The following TRMT10B variants were observed in gnomAD, a reference collection of about 807,000 sequenced individuals.
The protein encoded by TRMT10B is tRNA methyltransferase 10B, also known as tRNA methyltransferase 10 homolog B.
A neutral mutation model predicts 43.8 loss-of-function variants in TRMT10B; 33 were observed. The ratio of observed to expected loss-of-function variants is 0.75; its 90% CI spans 0.57 to 1.01. The LOEUF (loss-of-function observed/expected upper bound fraction) is 1.01. Ranked by LOEUF, TRMT10B falls within the 50% of genes least tolerant of loss-of-function variation. The pLI is 0.00. For synonymous variants in TRMT10B, 137 were observed against 130.6 expected, an observed-to-expected ratio of 1.05 and a Z score of -0.34; for missense variants, 362 against 369.8, an observed-to-expected ratio of 0.98 and a Z score of 0.17.
At chr9:37,758,353 A>G (rs1033333590) in intron 1 of TRMT10B, among the ~76,000 whole-genome samples, 4 of 152,340 alleles carry the variant, frequency 2.6e-5, no homozygotes, top group East Asian at 1.9e-4. Flanking sequence ...TCAAGGCTGC[A>G]GTGAGCTGTG....
chr9:37,777,410 G>C (rs952521791), intron 8 of TRMT10B, among the ~76,000 whole-genome samples, 191 bp from the exon 9 acceptor site: 4 of 150,440 alleles, frequency 2.7e-5, no homozygotes, highest in Non-Finnish European at 4.4e-5. Context: ...TCATAGGCCT[G>C]TATCTTTCAG....
chr9:37,768,028 G>C (rs1827174496), intron 4 of TRMT10B, 48 bp from the exon 5 acceptor site: 1 of 1,604,136 alleles, frequency 6.2e-7, no homozygotes, highest in South Asian at 1.1e-5. Flanking sequence ...AGCTAATTTA[G>C]AGTGAGTTGG....
At chr9:37,760,658 C>CA (rs1360460268) in intron 1 of TRMT10B, among the ~76,000 whole-genome samples, 1 of 148,792 alleles carries the variant, frequency 6.7e-6, no homozygotes, top group Non-Finnish European at 1.5e-5. Flanking sequence ...ACCAAAAGAA[C>CA]AAAAAAGAAC....
intron 1 of TRMT10B, among the ~76,000 whole-genome samples, chr9:37,757,368 G>A (rs1056524852): frequency 2.0e-5 from 3 of 152,112 alleles, no homozygotes; most frequent in Admixed American, 6.6e-5. Flanking sequence ...GAGCTTCTGC[G>A]CCCAGCCAGC....
upstream of TRMT10B, among the ~76,000 whole-genome samples, chr9:37,752,973 C>G (rs539820595): frequency 6.5e-4 from 99 of 152,258 alleles, no homozygotes; most frequent in Non-Finnish European, 2.9e-5. Context: ...TGCTTGCTAA[C>G]CCTTTGGGTC....
At position 37,777,724 on chromosome 9, in the gene TRMT10B, G is replaced by C. The variant is rs1260958846; in HGVS notation, c.*17G>C. 1 of 1,601,686 alleles carries C rather than the reference G, an allele frequency of 6.2e-7. No homozygotes were observed. Among genetic ancestry groups the C allele is most frequent in the Non-Finnish European group, 8.6e-7 (1 of 1,168,924 alleles). On this transcript the variant is annotated 3_prime_UTR_variant, in exon 9 of 9. Transcript: ENST00000297994. ...GTGGAATGATGGGCCTAAGATTGCA[G>C]CTGCGTGGCCAGGTGCTCACGCCGT...
intron 1 of TRMT10B, among the ~76,000 whole-genome samples, chr9:37,760,763 A>G (rs1826239617): frequency 6.6e-6 from 1 of 152,236 alleles, no homozygotes; most frequent in Admixed American, 6.5e-5. Context: ...TACATGAATC[A>G]TACTACATAG....
Position 37,761,137 on chromosome 9 carries a change from A to G in TRMT10B, c.-29-766A>G, listed in dbSNP as rs538174262. Among the ~76,000 whole-genome samples, 63 of 152,332 alleles carry G rather than the reference A, an allele frequency of 4.1e-4. 1 individual carries two copies. Among genetic ancestry groups the G allele is most frequent in the South Asian group, 1.7e-3 (8 of 4,826 alleles). On this transcript the variant is annotated intron_variant, in intron 1 of 8. Transcript: ENST00000297994. ...TCTTGGTTTCATGTCACTCTACTATATACATTGGTACATTCTCCCAAGATG... is the reference window on the plus strand; with the variant it reads ...TCTTGGTTTCATGTCACTCTACTATGTACATTGGTACATTCTCCCAAGATG...
upstream of TRMT10B, among the ~76,000 whole-genome samples, chr9:37,752,934 G>A (rs960275055): frequency 1.3e-5 from 2 of 151,844 alleles, no homozygotes; most frequent in African/African-American, 4.9e-5. Context: ...CTGGACTGTG[G>A]GTGCTTTGTT....
At chr9:37,770,849 A>G in intron 7 of TRMT10B, 110 bp downstream of exon 7, 1 of 1,124,722 alleles carries the variant, frequency 8.9e-7, no homozygotes, top group Non-Finnish European at 1.2e-6. Flanking sequence ...CAGAGGGAAC[A>G]GGAAGAAAGA....
intron 3 of TRMT10B, among the ~76,000 whole-genome samples, chr9:37,763,222 A>T (rs779257309): frequency 6.6e-6 from 1 of 151,466 alleles, no homozygotes; most frequent in African/African-American, 2.4e-5. Flanking sequence ...TAACGTGTTT[A>T]TAAGCTCAGA....
At chr9:37,761,775 C>T (rs1826362265) in intron 1 of TRMT10B, 128 bp from the exon 2 acceptor site, 3 of 625,928 alleles carry the variant, frequency 4.8e-6, no homozygotes, top group Non-Finnish European at 8.2e-6. Context: ...TTTCTCAGTC[C>T]AGTAAATCTG....
chr9:37,769,689 C>T (rs1827356301), intron 5 of TRMT10B: 2 of 460,656 alleles, frequency 4.3e-6, no homozygotes, highest in Admixed American at 6.7e-5. Flanking sequence ...CCTCTGCCTC[C>T]TGGGCTCAAG....
At chr9:37,777,193 T>TAAAAA (rs1564007716) in intron 8 of TRMT10B, among the ~76,000 whole-genome samples, 1 of 14,286 alleles carries the variant, frequency 7.0e-5, no homozygotes, top group African/African-American at 4.3e-4. Context: ...CAACTCCGCC[T>TAAAAA]CAAAAAAAAA....
At chr9:37,758,016 C>T (rs909351292) in intron 1 of TRMT10B, among the ~76,000 whole-genome samples, 4 of 152,182 alleles carry the variant, frequency 2.6e-5, no homozygotes, top group East Asian at 1.9e-4. Context: ...GAACTCAACA[C>T]TAGAAATGTT....
chr9:37,762,221 G>C, intron 2 of TRMT10B, 104 bp downstream of exon 2: 1 of 1,272,264 alleles, frequency 7.9e-7, no homozygotes, highest in South Asian at 1.6e-5. Flanking sequence ...GACGGAATGA[G>C]TTTTGTGTAT....
chr9:37,752,924 C>T (rs571675158), upstream of TRMT10B, among the ~76,000 whole-genome samples: 2 of 152,296 alleles, frequency 1.3e-5, no homozygotes, highest in Admixed American at 6.5e-5. Flanking sequence ...GGTTGCCTTT[C>T]TGGACTGTGG....
rs368808083 is a variant in TRMT10B, at chr9:37,756,092, C to T, written c.-30+2240C>T. 4.6e-5 allele frequency among the ~76,000 whole-genome samples: 7 copies of T among 152,192 alleles called. 1 individual carries two copies. Among genetic ancestry groups the T allele is most frequent in the African/African-American group, 1.7e-4 (7 of 41,450 alleles). On this transcript the variant is annotated intron_variant, in intron 1 of 8. Coordinates refer to ENST00000297994, the MANE Select transcript of TRMT10B (RefSeq NM_144964.4). Reference sequence around the variant, plus strand: ...TGCCTCCCAGTCATTCCCCAACAGGCCCCGGCATACAGTAGGAGCTTGGTG... The same window carrying T: ...TGCCTCCCAGTCATTCCCCAACAGGTCCCGGCATACAGTAGGAGCTTGGTG...
At chr9:37,771,569 A>T (rs1827585355) in intron 7 of TRMT10B, among the ~76,000 whole-genome samples, 1 of 152,240 alleles carries the variant, frequency 6.6e-6, no homozygotes, top group South Asian at 2.1e-4. Context: ...CTCCATAGTG[A>T]TCATCTAAAA....
Sources: gnomAD v4.1 joint callset for allele counts (sites outside exome capture counted in the v4.1 genomes callset) on GRCh38, gnomAD v4.1.1 for gene constraint, MANE v1.5 for transcripts, NCBI Gene and HGNC (gene_info 2026-07-23, HGNC 2026-07-21) for gene names.